PTPRN2: variants seen among roughly 807,000 people sequenced by gnomAD.
PTPRN2 encodes the protein receptor-type tyrosine-protein phosphatase N2.
PTPRN2 carries 74 observed loss-of-function variants against 118.8 expected under a neutral mutation model. That is an observed-to-expected ratio of 0.62 (90% confidence interval 0.52 to 0.76). PTPRN2 has a LOEUF of 0.76. PTPRN2 is among the 30% of genes least tolerant of loss of function. The pLI is 0.00. For synonymous variants in PTPRN2, 641 were observed against 608.0 expected, an observed-to-expected ratio of 1.05 and a Z score of -0.80; for missense variants, 1,481 against 1,394.4, an observed-to-expected ratio of 1.06 and a Z score of -0.99.
intron 11 of PTPRN2, among the ~76,000 whole-genome samples, chr7:158,006,937 T>C (rs1805669047): frequency 6.6e-6 from 1 of 152,206 alleles, no homozygotes; most frequent in South Asian, 2.1e-4. Context: ...TCCCTAGGGC[T>C]GCCCTAACAA....
At chr7:158,344,829 G>A (rs926621635) in intron 2 of PTPRN2, among the ~76,000 whole-genome samples, 2 of 152,220 alleles carry the variant, frequency 1.3e-5, no homozygotes, top group African/African-American at 4.8e-5. Flanking sequence ...CCTCTGATGA[G>A]AAATCAGGCA....
At chr7:157,754,492 C>A (rs906384517) in intron 12 of PTPRN2, among the ~76,000 whole-genome samples, 32 of 152,364 alleles carry the variant, frequency 2.1e-4, no homozygotes, top group African/African-American at 7.7e-4. Flanking sequence ...AGCCCCTGTC[C>A]CCCCTTGGCT....
At chr7:158,568,445 T>G (rs900287187) in intron 1 of PTPRN2, among the ~76,000 whole-genome samples, 1 of 151,802 alleles carries the variant, frequency 6.6e-6, no homozygotes, top group African/African-American at 2.4e-5. Flanking sequence ...TTTGGAGACC[T>G]TGGTTTGGAG....
rs1328831167 is a variant in PTPRN2, at chr7:158,167,124, T to C, written c.717A>G (p.Arg239=). The stretch of plus-strand genomic sequence containing the variant: ...CACTGAGGGCCGCCATCAGATGGTG[T>C]CTGTCCACACCACTGTCCACCTTAG... The part of the protein sequence containing the change: ...LSPKVDSGVD[R]HHLMAALSAY... The change falls in exon 6 of 23, where the codon AGA becomes AGG. Residue 239 remains arginine, a synonymous_variant. Coordinates refer to ENST00000389418, the MANE Select transcript of PTPRN2 (RefSeq NM_002847.5). 1 of 1,613,808 alleles carries C rather than the reference T, an allele frequency of 6.2e-7. No homozygotes were observed. The highest frequency in any genetic ancestry group is 1.3e-5 in the African/African-American group (1 of 75,002).
intron 1 of PTPRN2, among the ~76,000 whole-genome samples, chr7:158,561,598 T>C (rs1459689997): frequency 6.6e-6 from 1 of 152,240 alleles, no homozygotes; most frequent in African/African-American, 2.4e-5. Flanking sequence ...GCTCTAATTG[T>C]GGCCTCAAGA....
intron 3 of PTPRN2, among the ~76,000 whole-genome samples, chr7:158,309,664 T>C (rs917440984): frequency 9.9e-5 from 15 of 152,154 alleles, no homozygotes; most frequent in African/African-American, 3.6e-4. Context: ...AACACTAAGA[T>C]ACTAAATCCA....
rs192274607 is a variant in PTPRN2, at chr7:158,379,863, G to A, written c.164-62931C>T. Among the ~76,000 whole-genome samples the A allele has an allele frequency of 4.1e-3, 624 of 152,262 alleles. 2 individuals are homozygous for A. Among genetic ancestry groups the A allele is most frequent in the African/African-American group, 0.014 (594 of 41,540 alleles). ...GACTCACAATTCCACATGGCTGGGG[G>A]GGCCTCACAATCATGGTGGAAGGCA... On this transcript the variant is annotated intron_variant, in intron 2 of 22. Coordinates refer to ENST00000389418, the MANE Select transcript of PTPRN2 (RefSeq NM_002847.5).
intron 22 of PTPRN2, among the ~76,000 whole-genome samples, chr7:157,546,420 G>A (rs1371796339): frequency 6.6e-6 from 1 of 152,194 alleles, no homozygotes; most frequent in Non-Finnish European, 1.5e-5. Context: ...TCATCCTGAT[G>A]CTCCCCATCC....
In PTPRN2 at chr7:157,794,135, C is replaced by T. The variant is rs754892816; in HGVS notation, c.1788+104538G>A. ...CTGCTCTGACCCGGGCTCGCACCTC[C>T]CCTCGTTCTCTGCTCTGACCCGGGC... On this transcript the variant is annotated intron_variant, in intron 12 of 22. Coordinates refer to ENST00000389418, the MANE Select transcript of PTPRN2 (RefSeq NM_002847.5). This position sits in a 1 kb window ranked among gnomAD's most constrained non-coding sequence, Gnocchi z 5.2. Among the ~76,000 whole-genome samples the T allele has an allele frequency of 9.5e-5, 14 of 147,850 alleles. No individual in the cohort carries two copies. Among genetic ancestry groups the T allele is most frequent in the Admixed American group, 7.4e-4 (11 of 14,910 alleles).
chr7:158,301,762 A>G (rs1362720379), intron 3 of PTPRN2, among the ~76,000 whole-genome samples: 1 of 152,180 alleles, frequency 6.6e-6, no homozygotes, highest in African/African-American at 2.4e-5. Flanking sequence ...CAGCCTGGGC[A>G]ACATGGCAAA....
chr7:158,193,641 A>G (rs573467932), intron 4 of PTPRN2, among the ~76,000 whole-genome samples: 186 of 152,142 alleles, frequency 1.2e-3, no homozygotes, highest in Non-Finnish European at 2.1e-3. Context: ...CACGATGGGC[A>G]TGGCCTCCCT....
intron 11 of PTPRN2, among the ~76,000 whole-genome samples, chr7:158,037,610 T>C (rs1182334982): frequency 6.6e-6 from 1 of 152,250 alleles, no homozygotes; most frequent in Non-Finnish European, 1.5e-5. Flanking sequence ...GATTATAATC[T>C]TAGGAGACCA....
chr7:157,801,024 T>TATATATACACATATATATACAC lies in PTPRN2; in HGVS notation c.1788+97627_1788+97648dup, dbSNP rs536380155. Reference sequence around the variant, plus strand: ...ACACACATATACATATACACACACATATATATACACATATATATACACATA... The same window carrying TATATATACACATATATATACAC: ...ACACACATATACATATACACACACATATATATACACATATATATACACATATATACACATATATATACACATA... On this transcript the variant is annotated intron_variant, in intron 12 of 22. Transcript: ENST00000389418. This position sits in a 1 kb window ranked among gnomAD's most constrained non-coding sequence, Gnocchi z 4.2. Among the ~76,000 whole-genome samples, 1 of 147,904 alleles carries TATATATACACATATATATACAC rather than the reference T, an allele frequency of 6.8e-6. No homozygotes were observed. The highest frequency in any genetic ancestry group is 1.5e-5 in the Non-Finnish European group (1 of 66,790).
At chr7:158,210,166 C>T (rs1233305792) in intron 3 of PTPRN2, among the ~76,000 whole-genome samples, 4 of 132,948 alleles carry the variant, frequency 3.0e-5, no homozygotes, top group South Asian at 2.4e-4. Context: ...GACGGAGTCT[C>T]GCTCTGTCGC....
intron 11 of PTPRN2, among the ~76,000 whole-genome samples, chr7:157,918,484 G>A (rs1273783430): frequency 1.3e-5 from 2 of 152,182 alleles, no homozygotes; most frequent in East Asian, 3.9e-4. Context: ...GACGACGCGT[G>A]GGAGCAGGGG....
chr7:158,151,223 T>C (rs28580409), intron 6 of PTPRN2, among the ~76,000 whole-genome samples: 1 of 11,856 alleles, frequency 8.4e-5, no homozygotes, highest in South Asian at 2.6e-3. Context: ...TATTCCTGCC[T>C]CTCCCTGCCC....
At chr7:157,883,726 C>T (rs73746692) in intron 12 of PTPRN2, among the ~76,000 whole-genome samples, 2,884 of 143,800 alleles carry the variant, frequency 0.02, 78 homozygotes, top group African/African-American at 0.068. Context: ...AAAAGACTGT[C>T]GGAGATTGGA....
chr7:157,572,660 T>C (rs1799812498), intron 19 of PTPRN2, among the ~76,000 whole-genome samples: 2 of 148,646 alleles, frequency 1.3e-5, no homozygotes, highest in South Asian at 4.3e-4. Flanking sequence ...GCCCTTCTGA[T>C]GGGAGTGTGA....
intron 9 of PTPRN2, among the ~76,000 whole-genome samples, chr7:158,123,388 C>A (rs779964394): frequency 1.3e-5 from 2 of 152,176 alleles, no homozygotes; most frequent in African/African-American, 4.8e-5. Context: ...CGGTGACCGA[C>A]GCCATGGTGA....
Sources: gnomAD v4.1 joint callset for allele counts (sites outside exome capture counted in the v4.1 genomes callset) on GRCh38, gnomAD v4.1.1 for gene constraint, Gnocchi (gnomAD v3.1) non-coding constraint, MANE v1.5 for transcripts, NCBI Gene and HGNC (gene_info 2026-07-23, HGNC 2026-07-21) for gene names.